APAF1: variants seen among roughly 807,000 people sequenced by gnomAD.
The protein encoded by APAF1 is apoptotic protease-activating factor 1.
APAF1 carries 91 observed loss-of-function variants against 152.4 expected under a neutral mutation model. The observed-to-expected ratio is 0.60, with a 90% confidence interval of 0.50 to 0.71. APAF1 has a LOEUF of 0.71. Among genes scored for constraint, APAF1 ranks in the 30% least tolerant of loss-of-function variants. APAF1 has a pLI of 0.00. For missense variants in APAF1, 1,283 were observed against 1,472.0 expected (o/e 0.87, Z 2.10); for synonymous variants, 484 against 494.1 (o/e 0.98, Z 0.27).
chr12:98,662,538 A>G lies in APAF1; in HGVS notation c.793A>G (p.Arg265Gly). ...DSQCQILLTT[R>G]DKSVTDSVMG... The stretch of plus-strand genomic sequence containing the variant: ...TCAGTGTCAGATTCTTCTTACAACC[A>G]GAGACAAGAGTGTTACAGATTCAGT... The change falls in exon 6 of 27, where the codon AGA becomes GGA. Residue 265 changes from arginine (R) to glycine (G), a missense_variant. Coordinates refer to ENST00000551964, the MANE Select transcript of APAF1 (RefSeq NM_181861.2). 1 of 1,613,544 alleles carries G rather than the reference A, an allele frequency of 6.2e-7. No homozygotes were observed. The highest frequency in any genetic ancestry group is 8.5e-7 in the Non-Finnish European group (1 of 1,179,636).
chr12:98,657,523 A>G (rs779984143), intron 4 of APAF1, among the ~76,000 whole-genome samples: 34 of 152,188 alleles, frequency 2.2e-4, no homozygotes, highest in Non-Finnish European at 5.9e-5. Context: ...TTCAAGTTAT[A>G]AAAAGTCTAA....
At position 98,715,510 on chromosome 12, in the gene APAF1, T is replaced by A. The variant is rs1457139942; in HGVS notation, c.3042T>A (p.Asp1014Glu). 1.2e-6 allele frequency: 2 copies of A among 1,613,788 alleles called. No individual in the cohort carries two copies. Among genetic ancestry groups the A allele is most frequent in the Non-Finnish European group, 1.7e-6 (2 of 1,179,854 alleles). Residue 1014 changes from aspartate to glutamate, a missense_variant, in exon 22 of 27, where the codon GAT becomes GAA. Coordinates refer to ENST00000551964, the MANE Select transcript of APAF1 (RefSeq NM_181861.2). ...TATGGCACATCCAGTTCACAGCCGATGAGAAGACTCTTATTTCAAGTTCTG... is the reference window on the plus strand; with the variant it reads ...TATGGCACATCCAGTTCACAGCCGAAGAGAAGACTCTTATTTCAAGTTCTG... ...KTVWHIQFTADEKTLISSSDD... is the reference protein window; with the variant it reads ...KTVWHIQFTAEEKTLISSSDD...
At position 98,686,886 on chromosome 12, in the gene APAF1, A is replaced by T. The variant is rs2097698587; in HGVS notation, c.2304+13A>T. 1 of 1,612,998 alleles carries T rather than the reference A, an allele frequency of 6.2e-7. No individual in the cohort carries two copies. The highest frequency in any genetic ancestry group is 8.5e-7 in the Non-Finnish European group (1 of 1,179,248). ...TGGAACCTTAAAGGTATGCTTTTGTACACTATTAAAATAGGTTGTATTTTA... is the reference window on the plus strand; with the variant it reads ...TGGAACCTTAAAGGTATGCTTTTGTTCACTATTAAAATAGGTTGTATTTTA... On this transcript the variant is annotated intron_variant, in intron 16 of 26. Coordinates refer to ENST00000551964, the MANE Select transcript of APAF1 (RefSeq NM_181861.2).
intron 4 of APAF1, among the ~76,000 whole-genome samples, chr12:98,657,191 T>C (rs1348704950): frequency 6.6e-6 from 1 of 152,228 alleles, no homozygotes; most frequent in Non-Finnish European, 1.5e-5. Flanking sequence ...ACCCATTTTA[T>C]TCAAGTTTAA....
At chr12:98,673,993 G>C (rs1225596199) in intron 12 of APAF1, among the ~76,000 whole-genome samples, 2 of 151,918 alleles carry the variant, frequency 1.3e-5, no homozygotes, top group African/African-American at 2.4e-5. Flanking sequence ...ATTTTTGTTG[G>C]TTTTATTTAT....
chr12:98,724,969 G>C (rs111833166), intron 24 of APAF1, among the ~76,000 whole-genome samples: 4,440 of 152,326 alleles, frequency 0.029, 225 homozygotes, highest in African/African-American at 0.099. Flanking sequence ...CTTGTCACAT[G>C]CTAGTAATTT....
chr12:98,665,279 T>TATATATA (rs1491328899), intron 7 of APAF1, among the ~76,000 whole-genome samples: 69 of 65,590 alleles, frequency 1.1e-3, no homozygotes, highest in African/African-American at 3.2e-3. Flanking sequence ...TATATATATA[T>TATATATA]TTTTTTTTTT....
intron 16 of APAF1, among the ~76,000 whole-genome samples, chr12:98,696,899 T>G (rs1332352570): frequency 6.6e-6 from 1 of 152,194 alleles, no homozygotes; most frequent in African/African-American, 2.4e-5. Context: ...AAGAAAAAAG[T>G]ATACTTCCTG....
chr12:98,671,280 A>G (rs948935164), intron 11 of APAF1, among the ~76,000 whole-genome samples, 194 bp downstream of exon 11: 2 of 152,146 alleles, frequency 1.3e-5, no homozygotes, highest in African/African-American at 4.8e-5. Flanking sequence ...TTTAAAAGCT[A>G]GGAAAATAAG....
rs2097671948 is a variant in APAF1, at chr12:98,665,806, G to T, written c.1194+15G>T. 6.4e-7 allele frequency: 1 copy of T among 1,559,382 alleles called. No individual in the cohort carries two copies. Among genetic ancestry groups the T allele is most frequent in the Non-Finnish European group, 8.8e-7 (1 of 1,130,424 alleles). On this transcript the variant is annotated intron_variant, in intron 8 of 26. Coordinates refer to ENST00000551964, the MANE Select transcript of APAF1 (RefSeq NM_181861.2). ...TGCCTACAAAGGTAATGGGATCAAT[G>T]ATCCTCATCATTGGGTATTTATTGC...
Position 98,715,449 on chromosome 12 carries a change from G to C in APAF1, c.2981G>C (p.Arg994Thr). ...AAGATTTTAGAACTTGTAAACAATA[G>C]AATCTTCCAGTCCAGGTTTCAGCAC... ...AIEILELVNN[R>T]IFQSRFQHKK... The change falls in exon 22 of 27, where the codon AGA (arginine) becomes ACA (threonine). Residue 994 changes from arginine to threonine, a missense_variant. By Grantham distance (71) the Arg-to-Thr change is moderately conservative (BLOSUM62 -1). Transcript: ENST00000551964. 6.2e-7 allele frequency: 1 copy of C among 1,613,160 alleles called. No homozygotes were observed. The highest frequency in any genetic ancestry group is 8.5e-7 in the Non-Finnish European group (1 of 1,179,654).
intron 26 of APAF1, among the ~76,000 whole-genome samples, chr12:98,731,937 A>C (rs2097762425): frequency 6.6e-6 from 1 of 152,210 alleles, no homozygotes; most frequent in African/African-American, 2.4e-5. Flanking sequence ...CTCTTGCATC[A>C]CACCTGGGGA....
At chr12:98,655,773 T>A (rs1301655810) in intron 4 of APAF1, among the ~76,000 whole-genome samples, 1 of 150,028 alleles carries the variant, frequency 6.7e-6, no homozygotes, top group African/African-American at 2.5e-5. Context: ...GCACGTTGCC[T>A]GGCCAAAATT....
chr12:98,709,308 GTTCTCC>G (rs2097725230), intron 20 of APAF1, among the ~76,000 whole-genome samples: 1 of 152,164 alleles, frequency 6.6e-6, no homozygotes, highest in South Asian at 2.1e-4. Context: ...ACTCTAGTCT[GTTCTCC>G]TTCTGCCACC....
intron 15 of APAF1, among the ~76,000 whole-genome samples, chr12:98,685,753 A>C (rs911976392): frequency 6.6e-6 from 1 of 152,128 alleles, no homozygotes; most frequent in Non-Finnish European, 1.5e-5. Flanking sequence ...CTTATGCCTC[A>C]GCCTCCCAAG....
chr12:98,724,955 ATTAC>A (rs2097748293), intron 24 of APAF1, among the ~76,000 whole-genome samples: 1 of 152,234 alleles, frequency 6.6e-6, no homozygotes, highest in Admixed American at 6.5e-5. Flanking sequence ...ACATTTAAAG[ATTAC>A]TTGTCACATG....
rs961947459 is a variant in APAF1, at chr12:98,665,623, C to G, written c.1026C>G (p.Leu342=). The change falls in exon 8 of 27, where the codon CTC becomes CTG. Residue 342 remains leucine (L), a synonymous_variant. Transcript: ENST00000551964. ...RDFPNRWEYY[L]KQLQNKQFKR... ...TTCCCAATCGCTGGGAGTACTACCT[C>G]AAACAGCTTCAGAATAAGCAGTTTA... The G allele has an allele frequency of 1.2e-6, 2 of 1,613,746 alleles. No homozygotes were observed. Among genetic ancestry groups the G allele is most frequent in the Non-Finnish European group, 1.7e-6 (2 of 1,179,930 alleles).
intron 4 of APAF1, among the ~76,000 whole-genome samples, chr12:98,652,178 C>T (rs1000716051): frequency 6.6e-6 from 1 of 152,010 alleles, no homozygotes; most frequent in African/African-American, 2.4e-5. Flanking sequence ...GTCTCAAACT[C>T]CTGGGCTCAA....
intron 25 of APAF1, among the ~76,000 whole-genome samples, chr12:98,725,792 A>C (rs2097749610): frequency 6.6e-6 from 1 of 152,246 alleles, no homozygotes. Context: ...TTTGTAGTTC[A>C]TTCTCTGCCA....
Sources: gnomAD v4.1 joint callset for allele counts (sites outside exome capture counted in the v4.1 genomes callset) on GRCh38, gnomAD v4.1.1 for gene constraint, MANE v1.5 for transcripts, NCBI Gene and HGNC (gene_info 2026-07-23, HGNC 2026-07-21) for gene names.